The following SLC29A4 variants were observed in gnomAD, a reference collection of about 807,000 sequenced individuals.
SLC29A4 encodes equilibrative nucleoside transporter 4.
Under a neutral mutation model 43.9 loss-of-function variants are expected in SLC29A4, and 36 were observed. That is an observed-to-expected ratio of 0.82 (90% confidence interval 0.63 to 1.08). SLC29A4 has a LOEUF of 1.08. Ranked by LOEUF, SLC29A4 falls within the 50% of genes least tolerant of loss-of-function variation. The probability of loss-of-function intolerance (pLI) is 0.00; values close to 1 mark genes in which losing one functional copy is unlikely to be tolerated. For synonymous variants in SLC29A4, 491 were observed against 338.0 expected, an observed-to-expected ratio of 1.45 and a Z score of -4.97; for missense variants, 869 against 755.3, an observed-to-expected ratio of 1.15 and a Z score of -1.77.
At chr7:5,288,949 T>G (rs1023461718) in intron 2 of SLC29A4, among the ~76,000 whole-genome samples, 19 of 152,270 alleles carry the variant, frequency 1.2e-4, no homozygotes, top group African/African-American at 1.7e-4. Context: ...CCTCGGTGTC[T>G]TCTTCTGGAA....
At chr7:5,295,851 C>G (rs540338774) in intron 6 of SLC29A4, among the ~76,000 whole-genome samples, 1 of 152,122 alleles carries the variant, frequency 6.6e-6, no homozygotes, top group Admixed American at 6.5e-5. Flanking sequence ...CAGAATTGTG[C>G]CGGCACACTG....
rs1784741502 is a variant in SLC29A4, at chr7:5,283,055, C to G, written c.-36C>G. The G allele has an allele frequency of 6.9e-6, 1 of 145,800 alleles. No individual in the cohort carries two copies. Among genetic ancestry groups the G allele is most frequent in the African/African-American group, 2.5e-5 (1 of 40,214 alleles). The allele number at this position is 145,800 out of a possible 1,614,324, so 9.0% of individuals were successfully genotyped here. On this transcript the variant is annotated 5_prime_UTR_variant, in exon 1 of 11. Coordinates refer to ENST00000396872, the MANE Select transcript of SLC29A4 (RefSeq NM_153247.4). ...GAGCGGGGCGGCGTGGCGGGCGCGC[C>G]GAGGACCCCAGGCCGGGCCGGGCCG...
chr7:5,302,780 G>A lies in SLC29A4; in HGVS notation c.1451-17G>A. The A allele has an allele frequency of 6.5e-7, 1 of 1,548,410 alleles. No individual in the cohort carries two copies. Among genetic ancestry groups the A allele is most frequent in the Non-Finnish European group, 8.7e-7 (1 of 1,145,404 alleles). On this transcript the variant is annotated splice_polypyrimidine_tract_variant and intron_variant, in intron 10 of 10. Coordinates refer to ENST00000396872, the MANE Select transcript of SLC29A4 (RefSeq NM_153247.4). The stretch of plus-strand genomic sequence containing the variant: ...GCCGCCCTGGCCCTGCTCCCCTCAG[G>A]CTGGTGTTGTCCACAGGGAACACCA...
intron 10 of SLC29A4, among the ~76,000 whole-genome samples, 181 bp downstream of exon 10, chr7:5,300,843 G>A (rs185168989): frequency 5.3e-5 from 8 of 152,312 alleles, no homozygotes; most frequent in Middle Eastern, 3.4e-3. Context: ...TCATTTATTC[G>A]TTCGTTCATC....
At chr7:5,293,491 C>G (rs769993180) in intron 5 of SLC29A4, among the ~76,000 whole-genome samples, 4 of 152,132 alleles carry the variant, frequency 2.6e-5, no homozygotes, top group Non-Finnish European at 5.9e-5. Flanking sequence ...CTTTCAAACT[C>G]TTTTTGACCA....
chr7:5,302,996 G>A lies in SLC29A4; in HGVS notation c.*57G>A. 1 of 1,559,158 alleles carries A rather than the reference G, an allele frequency of 6.4e-7. No homozygotes were observed. ...GGCCTGACCAGGGGCCCCGAGGCCT[G>A]AGGGCCCCTCCCCTGTCCCCACCTC... On this transcript the variant is annotated 3_prime_UTR_variant, in exon 11 of 11. Transcript: ENST00000396872.
At chr7:5,289,803 C>G (rs1347198873) in intron 2 of SLC29A4, among the ~76,000 whole-genome samples, 1 of 152,140 alleles carries the variant, frequency 6.6e-6, no homozygotes, top group Non-Finnish European at 1.5e-5. Context: ...GATACAAGAA[C>G]CCGGTACAAC....
chr7:5,299,625 C>T lies in SLC29A4; in HGVS notation c.1209+198C>T, dbSNP rs554497618. On this transcript the variant is annotated intron_variant, in intron 9 of 10. Transcript: ENST00000396872. Reference sequence around the variant, plus strand: ...CTGGCCTGATCCCACTGGGGCGCTCCGGAGTGTCAGCTGCATCTGGGAGGA... The same window carrying T: ...CTGGCCTGATCCCACTGGGGCGCTCTGGAGTGTCAGCTGCATCTGGGAGGA... Among the ~76,000 whole-genome samples the T allele has an allele frequency of 4.6e-5, 7 of 152,328 alleles. No homozygotes were observed. In the South Asian group the frequency reaches 1.4e-3, roughly 32 times the overall value.
Position 5,298,977 on chromosome 7 carries a change from C to T in SLC29A4, c.883-11C>T, listed in dbSNP as rs754645054. On this transcript the variant is annotated splice_polypyrimidine_tract_variant and intron_variant, in intron 7 of 10. Coordinates refer to ENST00000396872, the MANE Select transcript of SLC29A4 (RefSeq NM_153247.4). ...CCACTCCAACCCCATCCCACTCCAT[C>T]CTCCCTCCAGGAGCACCCAGCCCCG... The T allele has an allele frequency of 9.3e-6, 15 of 1,605,868 alleles. No homozygotes were observed. The highest frequency in any genetic ancestry group is 1.3e-5 in the Non-Finnish European group (15 of 1,178,866).
intron 2 of SLC29A4, among the ~76,000 whole-genome samples, chr7:5,288,460 G>A (rs1442496677): frequency 4.6e-5 from 7 of 151,724 alleles, no homozygotes; most frequent in African/African-American, 4.8e-5. Context: ...GCCTGCCACC[G>A]TGCCCAGCTA....
chr7:5,289,722 A>G (rs764280295), intron 2 of SLC29A4, among the ~76,000 whole-genome samples: 18 of 151,966 alleles, frequency 1.2e-4, no homozygotes, highest in Non-Finnish European at 1.9e-4. Flanking sequence ...TGTGGCTCCC[A>G]TAGACAGCTC....
rs1327802866 is a variant in SLC29A4, at chr7:5,290,790, G to A, written c.228G>A (p.Leu76=). 1.2e-6 allele frequency: 2 copies of A among 1,614,070 alleles called. No individual in the cohort carries two copies. Among genetic ancestry groups the A allele is most frequent in the Admixed American group, 3.3e-5 (2 of 60,024 alleles). ...ACGCCATCTACTTTGCGATGCTGCT[G>A]GCTGGCGTGGGCTTCCTGCTGCCAT... The part of the protein sequence containing the change: ...RYHAIYFAML[L]AGVGFLLPYN... The change falls in exon 3 of 11, where the codon CTG becomes CTA. Residue 76 remains leucine (L), a synonymous_variant. Coordinates refer to ENST00000396872, the MANE Select transcript of SLC29A4 (RefSeq NM_153247.4).
At position 5,297,103 on chromosome 7, in the gene SLC29A4, A is replaced by G. The variant is rs1196222454; in HGVS notation, c.787A>G (p.Thr263Ala). ...CAGCCGCTTCGTGCTCTTCTATACCACACGGCCGCGTGACAGCCACCGGGG... is the reference window on the plus strand; with the variant it reads ...CAGCCGCTTCGTGCTCTTCTATACCGCACGGCCGCGTGACAGCCACCGGGG... ...RRSRFVLFYT[T>A]RPRDSHRGRP... is the part of the protein sequence containing the mutation. The change falls in exon 7 of 11, where the codon ACA (threonine) becomes GCA (alanine). Residue 263 changes from threonine (T) to alanine (A), a missense_variant. Coordinates refer to ENST00000396872, the MANE Select transcript of SLC29A4 (RefSeq NM_153247.4). 5 of 1,606,826 alleles carry G rather than the reference A, an allele frequency of 3.1e-6. No individual in the cohort carries two copies. Among genetic ancestry groups the G allele is most frequent in the Middle Eastern group, 1.8e-4 (1 of 5,602 alleles).
At chr7:5,295,659 C>A (rs1055266615) in intron 6 of SLC29A4, among the ~76,000 whole-genome samples, 1 of 152,192 alleles carries the variant, frequency 6.6e-6, no homozygotes, top group East Asian at 1.9e-4. Context: ...AGGCAGGAAG[C>A]GGAAGCCCAG....
At chr7:5,296,913 G>C (rs373572284) in intron 6 of SLC29A4, 23 bp from the exon 7 acceptor site, 315 of 1,570,112 alleles carry the variant, frequency 2.0e-4, no homozygotes, top group Non-Finnish European at 2.6e-4. Context: ...ATCAGGCCCC[G>C]GCCCACTGTG....
chr7:5,306,717 G>A lies in SLC29A4; in HGVS notation c.*3778G>A, dbSNP rs1234771789. 3.9e-5 allele frequency: 6 copies of A among 152,000 alleles called. No individual in the cohort carries two copies. Among genetic ancestry groups the A allele is most frequent in the Admixed American group, 1.3e-4 (2 of 15,266 alleles). The allele number at this position is 152,000 out of a possible 1,614,324, so 9.4% of individuals were successfully genotyped here. A position where few individuals can be genotyped will look rare whatever the true frequency, so the allele number is the denominator to read the frequency against. On this transcript the variant is annotated 3_prime_UTR_variant, in exon 11 of 11. Coordinates refer to ENST00000396872, the MANE Select transcript of SLC29A4 (RefSeq NM_153247.4). ...TTCTTCCAGTCGAATCCTGCTTCTT[G>A]GTGCCCTGATATGGCAGAATGCCCC...
intron 2 of SLC29A4, among the ~76,000 whole-genome samples, chr7:5,288,476 G>T (rs1299473299): frequency 2.2e-4 from 33 of 151,632 alleles, no homozygotes; most frequent in African/African-American, 7.5e-4. Flanking sequence ...AGCTAATTTT[G>T]TGTATTTTTA....
chr7:5,292,689 C>CTTT (rs1785380928), intron 5 of SLC29A4, among the ~76,000 whole-genome samples: 1 of 85,736 alleles, frequency 1.2e-5, no homozygotes. Context: ...ACATTTTTTT[C>CTTT]CTTTTTTTTT....
chr7:5,294,331 T>G (rs1231165619), intron 5 of SLC29A4, among the ~76,000 whole-genome samples: 2 of 152,168 alleles, frequency 1.3e-5, no homozygotes, highest in Non-Finnish European at 2.9e-5. Context: ...GCCTGTGCAC[T>G]TCTATTTTCC....
Sources: allele counts gnomAD v4.1 joint callset (sites outside exome capture counted in the v4.1 genomes callset), GRCh38; gene constraint gnomAD v4.1.1; transcripts MANE v1.5; gene names NCBI Gene and HGNC (gene_info 2026-07-23, HGNC 2026-07-21).